The following SSBP2 variants were observed in gnomAD, a reference collection of about 807,000 sequenced individuals.
SSBP2 encodes the protein single-stranded DNA-binding protein 2.
Under a neutral mutation model 61.8 loss-of-function variants are expected in SSBP2, and 17 were observed. The ratio of observed to expected loss-of-function variants is 0.28; its 90% CI spans 0.19 to 0.41. The LOEUF (loss-of-function observed/expected upper bound fraction) is 0.41, where lower values mean the gene tolerates loss of function less well. SSBP2 is among the 10% of genes least tolerant of loss of function. The pLI is 1.00. For synonymous variants in SSBP2, 139 were observed against 141.3 expected, an observed-to-expected ratio of 0.98 and a Z score of 0.12; for missense variants, 310 against 458.7, an observed-to-expected ratio of 0.68 and a Z score of 2.96.
At chr5:81,662,837 A>G (rs1750811627) in intron 1 of SSBP2, among the ~76,000 whole-genome samples, 1 of 152,066 alleles carries the variant, frequency 6.6e-6, no homozygotes, top group African/African-American at 2.4e-5. Context: ...GAAAATTACA[A>G]CTTCTAAGAA....
intron 5 of SSBP2, among the ~76,000 whole-genome samples, chr5:81,499,905 T>A (rs1767568779): frequency 6.6e-6 from 1 of 152,196 alleles, no homozygotes; most frequent in South Asian, 2.1e-4. Flanking sequence ...AATGTAACAC[T>A]GCAAAAAAGC....
At chr5:81,681,551 C>T (rs1026590612) in intron 1 of SSBP2, among the ~76,000 whole-genome samples, 1 of 149,966 alleles carries the variant, frequency 6.7e-6, no homozygotes, top group South Asian at 2.1e-4. Context: ...ATACAACTTA[C>T]CAAAATTTGT....
At chr5:81,608,715 T>G (rs186145495) in intron 4 of SSBP2, among the ~76,000 whole-genome samples, 1 of 152,300 alleles carries the variant, frequency 6.6e-6, no homozygotes, top group African/African-American at 2.4e-5. Context: ...AATAAAAGAT[T>G]TTTTTAATGA....
chr5:81,461,084 G>C lies in SSBP2; in HGVS notation c.658C>G (p.Pro220Ala). 1 of 1,586,508 alleles carries C rather than the reference G, an allele frequency of 6.3e-7. No individual in the cohort carries two copies. Among genetic ancestry groups the C allele is most frequent in the Non-Finnish European group, 8.6e-7 (1 of 1,166,144 alleles). The stretch of plus-strand genomic sequence containing the variant: ...TTGGCATTTGTTGGGTTTGGCCAAG[G>C]TCTACCACCACCTGGACCCCTACAA... Residue 220 changes from proline (P) to alanine (A), a missense_variant, in exon 10 of 17, where the codon CCT becomes GCT. Pro to Ala is a conservative substitution (Grantham distance 27, BLOSUM62 -1). This residue lies in a region of SSBP2 where 209 missense variants were observed against 286.4 expected (regional missense o/e 0.73). Transcript: ENST00000320672.
chr5:81,608,664 T>A (rs937001044), intron 4 of SSBP2, among the ~76,000 whole-genome samples: 2 of 152,196 alleles, frequency 1.3e-5, no homozygotes, highest in Non-Finnish European at 2.9e-5. Flanking sequence ...TCAAACTTTT[T>A]AAAAGTTTTT....
At chr5:81,631,022 G>A (rs1026092273) in intron 3 of SSBP2, among the ~76,000 whole-genome samples, 3 of 152,168 alleles carry the variant, frequency 2.0e-5, no homozygotes, top group Admixed American at 1.3e-4. Flanking sequence ...GGTGTCAACA[G>A]GTGAGGACAC....
intron 10 of SSBP2, among the ~76,000 whole-genome samples, chr5:81,456,626 A>G (rs1464274020): frequency 6.6e-6 from 1 of 152,100 alleles, no homozygotes; most frequent in Non-Finnish European, 1.5e-5. Context: ...ACAATTAGGG[A>G]GTTTGTAAAT....
chr5:81,666,301 C>T (rs955036354), intron 1 of SSBP2, among the ~76,000 whole-genome samples: 2 of 151,968 alleles, frequency 1.3e-5, no homozygotes, highest in African/African-American at 4.8e-5. Context: ...CTGAACTGAG[C>T]ATTAGTAATG....
At chr5:81,499,076 G>A (rs1337894623) in intron 5 of SSBP2, among the ~76,000 whole-genome samples, 1 of 152,116 alleles carries the variant, frequency 6.6e-6, no homozygotes, top group Non-Finnish European at 1.5e-5. Flanking sequence ...AGACATTCCT[G>A]ATTAACACAT....
At chr5:81,549,609 T>C (rs6880200) in intron 4 of SSBP2, among the ~76,000 whole-genome samples, 71,032 of 152,088 alleles carry the variant, frequency 0.47, 21,162 homozygotes, top group African/African-American at 0.86. Context: ...CCTCCACCTA[T>C]AATGGTGTGT....
chr5:81,479,368 G>A (rs1391421426), intron 6 of SSBP2, among the ~76,000 whole-genome samples: 1 of 151,954 alleles, frequency 6.6e-6, no homozygotes, highest in Non-Finnish European at 1.5e-5. Context: ...TTCACTTACT[G>A]CAACCTACAC....
chr5:81,632,489 G>A (rs1304117332), intron 3 of SSBP2, among the ~76,000 whole-genome samples: 1 of 152,146 alleles, frequency 6.6e-6, no homozygotes, highest in Non-Finnish European at 1.5e-5. Flanking sequence ...AGGAGGCAGG[G>A]ACATATAAGG....
chr5:81,688,174 A>G (rs554113967), intron 1 of SSBP2, among the ~76,000 whole-genome samples: 59 of 152,144 alleles, frequency 3.9e-4, no homozygotes, highest in Non-Finnish European at 7.5e-4. Context: ...TAGGAGCCAC[A>G]GGGAGATTCC....
chr5:81,592,055 C>A (rs568526147), intron 4 of SSBP2, among the ~76,000 whole-genome samples: 5 of 152,230 alleles, frequency 3.3e-5, no homozygotes, highest in Admixed American at 1.3e-4. Flanking sequence ...ACCTGGGAAG[C>A]GCAAGGGGTC....
intron 4 of SSBP2, among the ~76,000 whole-genome samples, chr5:81,613,904 CT>C (rs1745715481): frequency 1.3e-5 from 2 of 152,240 alleles, no homozygotes; most frequent in South Asian, 4.1e-4. Context: ...CTGGGCCCTG[CT>C]TTATCTACTT....
intron 4 of SSBP2, among the ~76,000 whole-genome samples, chr5:81,534,736 T>C (rs1770683961): frequency 6.6e-6 from 1 of 151,786 alleles, no homozygotes; most frequent in Non-Finnish European, 1.5e-5. Context: ...AAAGTGTAAA[T>C]ATGTGTAATG....
At chr5:81,727,364 A>G in intron 1 of SSBP2, among the ~76,000 whole-genome samples, 1 of 152,206 alleles carries the variant, frequency 6.6e-6, no homozygotes, top group East Asian at 1.9e-4. Context: ...AGCCTGACCA[A>G]CATGGAGAAA....
intron 1 of SSBP2, among the ~76,000 whole-genome samples, chr5:81,694,792 T>C (rs1245300493): frequency 2.0e-5 from 3 of 152,086 alleles, no homozygotes; most frequent in Non-Finnish European, 4.4e-5. Flanking sequence ...CTGGGCAACA[T>C]AGCAAGACTC....
At chr5:81,741,179 C>A (rs1757000500) in intron 1 of SSBP2, among the ~76,000 whole-genome samples, 1 of 152,228 alleles carries the variant, frequency 6.6e-6, no homozygotes, top group Non-Finnish European at 1.5e-5. Flanking sequence ...GGGATTATAT[C>A]TACTTTACGA....
Sources: gnomAD v4.1 joint callset for allele counts (sites outside exome capture counted in the v4.1 genomes callset) on GRCh38, gnomAD v4.1.1 for gene constraint, gnomAD v4.1.1 regional missense constraint, MANE v1.5 for transcripts, NCBI Gene and HGNC (gene_info 2026-07-23, HGNC 2026-07-21) for gene names.